The following FAM168A variants were observed in gnomAD, a reference collection of about 807,000 sequenced individuals.
The protein encoded by FAM168A is family with sequence similarity 168 member A, also known as protein FAM168A.
In FAM168A, 3 loss-of-function variants were observed where a neutral mutation model predicts 28.5. The ratio of observed to expected loss-of-function variants is 0.11; its 90% CI spans 0.05 to 0.27. FAM168A has a LOEUF of 0.27. FAM168A is among the 10% of genes least tolerant of loss of function. The pLI is 1.00. For missense variants in FAM168A, 222 were observed against 311.5 expected (o/e 0.71, Z 2.16); for synonymous variants, 122 against 124.2 (o/e 0.98, Z 0.12).
chr11:73,515,203 A>AT (rs1943285863), intron 1 of FAM168A, among the ~76,000 whole-genome samples: 2 of 152,176 alleles, frequency 1.3e-5, no homozygotes, highest in African/African-American at 4.8e-5. Context: ...CAATTAACAC[A>AT]TAAGTTCTTA....
At chr11:73,443,366 G>A (rs1441364264) in intron 2 of FAM168A, among the ~76,000 whole-genome samples, 3 of 152,092 alleles carry the variant, frequency 2.0e-5, no homozygotes, top group African/African-American at 4.8e-5. Flanking sequence ...CTTGCCCTCC[G>A]TGAACTCACC....
intron 1 of FAM168A, among the ~76,000 whole-genome samples, chr11:73,593,660 C>T (rs1473104159): frequency 6.6e-6 from 1 of 152,192 alleles, no homozygotes; most frequent in Non-Finnish European, 1.5e-5. Flanking sequence ...AGGCTATTCA[C>T]CATTCTAGCC....
At chr11:73,474,043 C>T (rs1157774917) in intron 1 of FAM168A, among the ~76,000 whole-genome samples, 1 of 152,088 alleles carries the variant, frequency 6.6e-6, no homozygotes, top group East Asian at 1.9e-4. Flanking sequence ...CTCCTGACCT[C>T]AAGTGATCCA....
chr11:73,534,495 T>C (rs1026922410), intron 1 of FAM168A, among the ~76,000 whole-genome samples: 8 of 151,752 alleles, frequency 5.3e-5, no homozygotes, highest in Non-Finnish European at 1.0e-4. Context: ...CTCCACCTCC[T>C]GGGTTCAAGC....
chr11:73,508,079 C>T (rs1180140037), intron 1 of FAM168A, among the ~76,000 whole-genome samples: 4 of 152,212 alleles, frequency 2.6e-5, no homozygotes, highest in Admixed American at 2.0e-4. Flanking sequence ...TTAGCGTCAT[C>T]TCTCTTAAGT....
chr11:73,414,673 T>G (rs1866669478), intron 4 of FAM168A, among the ~76,000 whole-genome samples: 1 of 152,244 alleles, frequency 6.6e-6, no homozygotes, highest in South Asian at 2.1e-4. Flanking sequence ...CTTAGAACAG[T>G]ACCTGACATA....
chr11:73,490,869 A>G (rs1390815688), intron 1 of FAM168A, among the ~76,000 whole-genome samples: 1 of 152,052 alleles, frequency 6.6e-6, no homozygotes, highest in Non-Finnish European at 1.5e-5. Flanking sequence ...TGTAAGCTCC[A>G]TGGTGATTCA....
chr11:73,441,064 T>TC (rs1377914448), intron 2 of FAM168A, among the ~76,000 whole-genome samples: 14 of 148,058 alleles, frequency 9.5e-5, no homozygotes, highest in Admixed American at 8.7e-4. Flanking sequence ...CAGACAGACT[T>TC]TTTTTTTTTT....
At chr11:73,533,088 T>A (rs1943533893) in intron 1 of FAM168A, among the ~76,000 whole-genome samples, 1 of 152,198 alleles carries the variant, frequency 6.6e-6, no homozygotes, top group South Asian at 2.1e-4. Flanking sequence ...TCAGACAACC[T>A]GAGATTAGTC....
chr11:73,451,491 C>A (rs1867428733), intron 2 of FAM168A, among the ~76,000 whole-genome samples: 1 of 152,162 alleles, frequency 6.6e-6, no homozygotes, highest in South Asian at 2.1e-4. Context: ...ACAATGACTG[C>A]CTGCAATAGC....
chr11:73,472,617 A>G (rs990335254), intron 1 of FAM168A, among the ~76,000 whole-genome samples: 2 of 152,252 alleles, frequency 1.3e-5, no homozygotes, highest in African/African-American at 2.4e-5. Flanking sequence ...GAAAGCAAGA[A>G]GAGTAGTAGG....
chr11:73,443,658 A>C (rs1867245661), intron 2 of FAM168A, among the ~76,000 whole-genome samples: 1 of 152,174 alleles, frequency 6.6e-6, no homozygotes, highest in Non-Finnish European at 1.5e-5. Flanking sequence ...CTGTAGTGTT[A>C]TGCAACAGTG....
intron 1 of FAM168A, among the ~76,000 whole-genome samples, chr11:73,469,921 G>GT (rs1257122895): frequency 3.0e-4 from 46 of 151,612 alleles, no homozygotes; most frequent in Admixed American, 2.8e-3. Context: ...TTTTGTTTTT[G>GT]TTTTTTTTGA....
chr11:73,561,589 C>T (rs866286250), intron 1 of FAM168A, among the ~76,000 whole-genome samples: 2 of 152,016 alleles, frequency 1.3e-5, no homozygotes, highest in African/African-American at 4.8e-5. Context: ...ACCACACAAA[C>T]GTGGTAAATG....
At chr11:73,556,254 C>A (rs1943888086) in intron 1 of FAM168A, among the ~76,000 whole-genome samples, 1 of 151,578 alleles carries the variant, frequency 6.6e-6, no homozygotes, top group Admixed American at 6.6e-5. Flanking sequence ...GAGGCTGAGG[C>A]AAGAGGATGG....
chr11:73,479,668 A>G (rs1272663022), intron 1 of FAM168A, among the ~76,000 whole-genome samples: 1 of 152,180 alleles, frequency 6.6e-6, no homozygotes, highest in Admixed American at 6.5e-5. Context: ...CTACACTTCT[A>G]TGTTATAAAT....
intron 1 of FAM168A, among the ~76,000 whole-genome samples, chr11:73,541,304 T>C (rs1590842785): frequency 1.3e-5 from 2 of 152,014 alleles, no homozygotes; most frequent in South Asian, 2.1e-4. Flanking sequence ...GGCTTTGAGA[T>C]CAGGCAGAAC....
chr11:73,429,708 C>T (rs1333375209), intron 3 of FAM168A, among the ~76,000 whole-genome samples: 5 of 152,210 alleles, frequency 3.3e-5, no homozygotes, highest in Admixed American at 2.0e-4. Flanking sequence ...CCAGGCAGAC[C>T]GTTGTTCCCT....
At chr11:73,575,658 T>C (rs1222115859) in intron 1 of FAM168A, among the ~76,000 whole-genome samples, 1 of 152,138 alleles carries the variant, frequency 6.6e-6, no homozygotes, top group Non-Finnish European at 1.5e-5. Context: ...TCACCTGAGG[T>C]CAGGAGTTTG....
Sources: gnomAD v4.1 joint callset for allele counts (sites outside exome capture counted in the v4.1 genomes callset) on GRCh38, gnomAD v4.1.1 for gene constraint, MANE v1.5 for transcripts, NCBI Gene and HGNC (gene_info 2026-07-23, HGNC 2026-07-21) for gene names.